The following RSPH14 variants were observed in gnomAD, a reference collection of about 807,000 sequenced individuals.
The protein encoded by RSPH14 is radial spoke head 14 homolog.
In RSPH14, 20 loss-of-function variants were observed where a neutral mutation model predicts 26.7. The ratio of observed to expected loss-of-function variants is 0.75; its 90% CI spans 0.53 to 1.09. The LOEUF (loss-of-function observed/expected upper bound fraction) is 1.09. RSPH14 is among the 50% of genes least tolerant of loss of function. The pLI is 0.00. For synonymous variants in RSPH14, 177 were observed against 189.3 expected (o/e 0.93, Z 0.53); for missense variants, 449 against 457.2 (o/e 0.98, Z 0.16).
chr22:23,070,047 G>A lies in RSPH14; in HGVS notation c.422-5914C>T, dbSNP rs531634551. On this transcript the variant is annotated intron_variant, in intron 4 of 6. Transcript: ENST00000216036. ...CTGCCAGAGGTGGCCCCTGGGGCTC[G>A]GCTACCAGGCCTCAGCGCAGCGGAG... is the stretch of plus-strand genomic sequence containing the variant. Among the ~76,000 whole-genome samples the A allele has an allele frequency of 2.0e-5, 3 of 152,272 alleles. No individual in the cohort carries two copies. The South Asian group carries it at 6.2e-4, about 32-fold the overall frequency.
intron 6 of RSPH14, among the ~76,000 whole-genome samples, chr22:23,060,605 C>T (rs1187105300): frequency 1.3e-5 from 2 of 152,216 alleles, no homozygotes; most frequent in African/African-American, 4.8e-5. Context: ...GCTGTCCTTG[C>T]CGGCCCTATG....
At chr22:23,078,012 G>C (rs2068553379) in intron 4 of RSPH14, among the ~76,000 whole-genome samples, 2 of 152,152 alleles carry the variant, frequency 1.3e-5, no homozygotes, top group Admixed American at 1.3e-4. Flanking sequence ...GGCCTTAGCT[G>C]CCCCAGCTGC....
intron 4 of RSPH14, among the ~76,000 whole-genome samples, chr22:23,085,138 C>T (rs1241342223): frequency 1.3e-5 from 2 of 152,214 alleles, no homozygotes; most frequent in African/African-American, 4.8e-5. Context: ...CCAGGCTAAG[C>T]CCGTCTGCTG....
chr22:23,166,147 T>TAAAAAAAAAAAAAAA, the RSPH14 span, among the ~76,000 whole-genome samples: 5 of 59,888 alleles, frequency 8.3e-5, no homozygotes, highest in African/African-American at 3.6e-4. Flanking sequence ...CTCTGTCTTT[T>TAAAAAAAAAAAAAAA]AAAAAAAAAA....
intron 4 of RSPH14, among the ~76,000 whole-genome samples, chr22:23,089,210 T>C (rs1485339804): frequency 6.6e-6 from 1 of 152,204 alleles, no homozygotes; most frequent in Non-Finnish European, 1.5e-5. Context: ...TTCCCGCCCC[T>C]GGCTTAGCCG....
At chr22:23,095,610 T>A in intron 4 of RSPH14, 1 of 1,460,668 alleles carries the variant, frequency 6.8e-7, no homozygotes. Context: ...GCTGGGCTCT[T>A]GTCTGCCTGG....
intron 4 of RSPH14, among the ~76,000 whole-genome samples, chr22:23,073,063 C>A (rs922652384): frequency 1.3e-5 from 2 of 152,238 alleles, no homozygotes; most frequent in African/African-American, 4.8e-5. Context: ...TGTGCGGCTT[C>A]CTCCCCTGGA....
At chr22:23,180,166 G>C in the RSPH14 span, 2 of 236,562 alleles carry the variant, frequency 8.5e-6, no homozygotes, top group African/African-American at 4.5e-5. Flanking sequence ...CGGCTGGACT[G>C]GCCGGAGAAG....
intron 4 of RSPH14, among the ~76,000 whole-genome samples, chr22:23,099,960 G>A (rs939142982): frequency 1.3e-5 from 2 of 152,258 alleles, no homozygotes; most frequent in African/African-American, 2.4e-5. Context: ...AATGGTGTGG[G>A]ATCCTTCAGA....
chr22:23,092,343 G>A (rs554852398), intron 4 of RSPH14, among the ~76,000 whole-genome samples: 4 of 152,132 alleles, frequency 2.6e-5, no homozygotes, highest in East Asian at 3.9e-4. Context: ...CCTTACATCC[G>A]TGCACAGCCC....
intron 4 of RSPH14, among the ~76,000 whole-genome samples, chr22:23,114,876 G>A (rs909712171): frequency 1.3e-5 from 2 of 152,172 alleles, no homozygotes; most frequent in Non-Finnish European, 2.9e-5. Flanking sequence ...TCACACAAGA[G>A]CACCTGGAGA....
chr22:23,124,968 G>A (rs906855152), intron 4 of RSPH14: 1 of 152,398 alleles, frequency 6.6e-6, no homozygotes, highest in African/African-American at 2.4e-5. Flanking sequence ...GGGGGAAAGA[G>A]AAGCTGGGGA....
chr22:23,146,082 C>G (rs1601879560), upstream of RSPH14: 1 of 933,626 alleles, frequency 1.1e-6, no homozygotes, highest in Non-Finnish European at 1.3e-6. Flanking sequence ...AGGGGAGACC[C>G]AGGTCTTCTG....
At position 23,059,669 on chromosome 22, in the gene RSPH14, C is replaced by A; in HGVS notation, c.840G>T (p.Leu280=). Residue 280 remains leucine, a synonymous_variant, in exon 7 of 7, where the codon CTG becomes CTT. Transcript: ENST00000216036. ...EAQAIGLLLE[L]LHSPMTIARL... Reference sequence around the variant, plus strand: ...GCGCTATGGTCATGGGGGAGTGCAGCAGCTCCAGGAGCAGGCCGATGGCTT... The same window carrying A: ...GCGCTATGGTCATGGGGGAGTGCAGAAGCTCCAGGAGCAGGCCGATGGCTT... 6.3e-7 allele frequency: 1 copy of A among 1,580,032 alleles called. No individual in the cohort carries two copies. The highest frequency in any genetic ancestry group is 1.8e-5 in the Admixed American group (1 of 54,956).
intron 3 of RSPH14, chr22:23,137,723 C>T (rs868479869): frequency 2.9e-5 from 9 of 308,426 alleles, no homozygotes; most frequent in Middle Eastern, 9.1e-4. Context: ...CCCCTTTATC[C>T]GAAAGACCTG....
chr22:23,147,192 C>T (rs2070830194), upstream of RSPH14, among the ~76,000 whole-genome samples: 1 of 152,198 alleles, frequency 6.6e-6, no homozygotes, highest in Non-Finnish European at 1.5e-5. Flanking sequence ...TGAAAACTCA[C>T]AGCTCTCTTG....
At chr22:23,171,132 C>T in the RSPH14 span, among the ~76,000 whole-genome samples, 4 of 151,818 alleles carry the variant, frequency 2.6e-5, no homozygotes, top group Admixed American at 2.0e-4. Flanking sequence ...CACGCCCAGC[C>T]AATTTTTGTA....
chr22:23,101,308 C>T (rs2069297427), intron 4 of RSPH14, among the ~76,000 whole-genome samples: 1 of 152,120 alleles, frequency 6.6e-6, no homozygotes, highest in South Asian at 2.1e-4. Flanking sequence ...TCCAGTGGCC[C>T]CCCTCTTCAC....
chr22:23,164,542 C>T, the RSPH14 span, among the ~76,000 whole-genome samples: 2 of 152,180 alleles, frequency 1.3e-5, no homozygotes, highest in African/African-American at 2.4e-5. Flanking sequence ...CGCACCCTCA[C>T]TTTGATGATT....
Sources: allele counts gnomAD v4.1 joint callset (sites outside exome capture counted in the v4.1 genomes callset), GRCh38; gene constraint gnomAD v4.1.1; transcripts MANE v1.5; gene names NCBI Gene and HGNC (gene_info 2026-07-23, HGNC 2026-07-21).